EPHB6: variants seen among roughly 807,000 people sequenced by gnomAD.
The protein encoded by EPHB6 is EPH receptor B6, also known as ephrin type-B receptor 6.
A neutral mutation model predicts 107.0 loss-of-function variants in EPHB6; 51 were observed. The ratio of observed to expected loss-of-function variants is 0.48; its 90% CI spans 0.38 to 0.60. The LOEUF is 0.60. Among genes scored for constraint, EPHB6 ranks in the 20% least tolerant of loss-of-function variants. The pLI is 0.00. For synonymous variants in EPHB6, 553 were observed against 549.0 expected (o/e 1.01, Z -0.10); for missense variants, 1,141 against 1,355.5 (o/e 0.84, Z 2.48).
At position 142,861,454 on chromosome 7, in the gene EPHB6, A is replaced by C. The variant is rs893817933; in HGVS notation, c.-297+268A>C. Among the ~76,000 whole-genome samples the C allele has an allele frequency of 2.6e-5, 4 of 152,364 alleles. No individual in the cohort carries two copies. In the South Asian group the frequency reaches 8.3e-4, roughly 32 times the overall value. ...ATACAATTAATGAGAATACAATGAA[A>C]GTTAAGTCTCCCTTGCACTGGGTCT... On this transcript the variant is annotated intron_variant, in intron 2 of 19. Coordinates refer to ENST00000652003, the MANE Select transcript of EPHB6 (RefSeq NM_004445.6).
At chr7:142,861,427 G>T (rs1802835689) in intron 2 of EPHB6, among the ~76,000 whole-genome samples, 1 of 152,156 alleles carries the variant, frequency 6.6e-6, no homozygotes, top group Admixed American at 6.5e-5. Context: ...AAATTTAAAT[G>T]GATACAATTA....
At position 142,864,031 on chromosome 7, in the gene EPHB6, G is replaced by C. The variant is rs1586157865; in HGVS notation, c.231G>C (p.Val77=). 1 of 1,614,172 alleles carries C rather than the reference G, an allele frequency of 6.2e-7. No homozygotes were observed. The change falls in exon 7 of 20, where the codon GTG becomes GTC. Residue 77 remains valine, a synonymous_variant. Coordinates refer to ENST00000652003, the MANE Select transcript of EPHB6 (RefSeq NM_004445.6). The part of the protein sequence containing the change: ...RLTRTFEACH[V]AGAPPGTGQD... ...CTCGGACCTTTGAGGCATGTCATGTGGCAGGGGCCCCTCCAGGCACCGGGC... is the reference window on the plus strand; with the variant it reads ...CTCGGACCTTTGAGGCATGTCATGTCGCAGGGGCCCCTCCAGGCACCGGGC...
intron 6 of EPHB6, 50 bp downstream of exon 6, chr7:142,863,745 C>A (rs1802968551): frequency 6.3e-7 from 1 of 1,590,688 alleles, no homozygotes; most frequent in Non-Finnish European, 8.6e-7. Context: ...CTGCCCCTCC[C>A]TGTTCCCTGG....
intron 6 of EPHB6, 48 bp downstream of exon 6, chr7:142,863,743 C>T: frequency 1.3e-6 from 2 of 1,593,280 alleles, no homozygotes; most frequent in Non-Finnish European, 1.7e-6. Context: ...CCCTGCCCCT[C>T]CCTGTTCCCT....
chr7:142,866,891 G>A lies in EPHB6; in HGVS notation c.1588-15G>A, dbSNP rs770590585. ...AGAGGGGGCCAGGCAGGGAGTGAGT[G>A]GCTGTTACCCCCAGGCAGAAGACGA... is the stretch of plus-strand genomic sequence containing the variant. On this transcript the variant is annotated splice_polypyrimidine_tract_variant and intron_variant, in intron 10 of 19. Coordinates refer to ENST00000652003, the MANE Select transcript of EPHB6 (RefSeq NM_004445.6). The surrounding 1 kb of genome is among the most constrained non-coding windows in gnomAD (Gnocchi z 5.2). 1.6e-5 allele frequency: 26 copies of A among 1,613,848 alleles called. No individual in the cohort carries two copies. The highest frequency in any genetic ancestry group is 2.0e-5 in the Non-Finnish European group (24 of 1,179,956).
At chr7:142,861,496 C>T (rs1488109452) in intron 2 of EPHB6, among the ~76,000 whole-genome samples, 3 of 152,200 alleles carry the variant, frequency 2.0e-5, no homozygotes, top group African/African-American at 7.2e-5. Context: ...ACTTCCTTTG[C>T]CTTTTTCACA....
intron 8 of EPHB6, 31 bp from the exon 9 acceptor site, chr7:142,865,929 C>G: frequency 6.2e-7 from 1 of 1,608,674 alleles, no homozygotes; most frequent in South Asian, 1.1e-5. Flanking sequence ...CCCTCTTGGC[C>G]CTTGGACTGC....
Position 142,864,723 on chromosome 7 carries a change from C to A in EPHB6, c.923C>A (p.Pro308Gln). The change falls in exon 7 of 20, where the codon CCA becomes CAA. Residue 308 changes from proline (P) to glutamine (Q), a missense_variant. Physicochemically the swap from Pro to Gln is moderately conservative, Grantham distance 76 (BLOSUM62 -1). This residue lies in a region of EPHB6 where 304 missense variants were observed against 295.7 expected (regional missense o/e 1.03). Coordinates refer to ENST00000652003, the MANE Select transcript of EPHB6 (RefSeq NM_004445.6). ...GGCRCQPGYQ[P>Q]ARGDKACQAC... ...TGCCGCTGCCAGCCTGGATACCAAC[C>A]AGCACGAGGAGACAAGGCCTGCCAA... 6.2e-7 allele frequency: 1 copy of A among 1,612,924 alleles called. No individual in the cohort carries two copies. The highest frequency in any genetic ancestry group is 8.5e-7 in the Non-Finnish European group (1 of 1,180,024).
chr7:142,869,782 GATT>G lies in EPHB6; in HGVS notation c.2461-30_2461-28del. 2 of 1,613,214 alleles carry G rather than the reference GATT, an allele frequency of 1.2e-6. No homozygotes were observed. The highest frequency in any genetic ancestry group is 1.1e-5 in the South Asian group (1 of 90,850). Reference sequence around the variant, plus strand: ...GCTCAATAAACGTGACTATTACTATGATTATTACTATTTGCTTTTGACTTTACC... The same window carrying G: ...GCTCAATAAACGTGACTATTACTATGATTACTATTTGCTTTTGACTTTACC... On this transcript the variant is annotated intron_variant, in intron 16 of 19. Coordinates refer to ENST00000652003, the MANE Select transcript of EPHB6 (RefSeq NM_004445.6). The surrounding 1 kb of genome is among the most constrained non-coding windows in gnomAD (Gnocchi z 4.5).
intron 1 of EPHB6, among the ~76,000 whole-genome samples, chr7:142,859,027 T>A (rs1371162266): frequency 2.6e-5 from 4 of 152,290 alleles, no homozygotes; most frequent in Non-Finnish European, 5.9e-5. Context: ...TTCACATTTC[T>A]GCTGCTTCTG....
At position 142,868,501 on chromosome 7, in the gene EPHB6, G is replaced by C; in HGVS notation, c.2048G>C (p.Gly683Ala). ...ACACCTATTTTCCCAGGCTCTTTTG[G>C]AGAAGTGCGCCAGGGCCGCCTGCAG... The part of the protein sequence containing the change: ...IEEVIGTGSF[G>A]EVRQGRLQPR... Residue 683 changes from glycine (G) to alanine (A), a missense_variant, in exon 15 of 20, where the codon GGA (glycine) becomes GCA (alanine). This residue lies in a region of EPHB6 where 616 missense variants were observed against 759.3 expected (regional missense o/e 0.81). Transcript: ENST00000652003. This position sits in a 1 kb window ranked among gnomAD's most constrained non-coding sequence, Gnocchi z 4.2. 2 of 1,613,964 alleles carry C rather than the reference G, an allele frequency of 1.2e-6. No individual in the cohort carries two copies. Among genetic ancestry groups the C allele is most frequent in the Non-Finnish European group, 1.7e-6 (2 of 1,180,034 alleles).
At chr7:142,865,442 G>C (rs770756238) in intron 7 of EPHB6, 33 bp from the exon 8 acceptor site, 1 of 1,611,898 alleles carries the variant, frequency 6.2e-7, no homozygotes, top group Non-Finnish European at 8.5e-7. Flanking sequence ...GACAGAGCGA[G>C]TGTGACGCCC....
At position 142,866,902 on chromosome 7, in the gene EPHB6, C is replaced by G; in HGVS notation, c.1588-4C>G. The G allele has an allele frequency of 6.2e-7, 1 of 1,613,984 alleles. No homozygotes were observed. The highest frequency in any genetic ancestry group is 8.5e-7 in the Non-Finnish European group (1 of 1,179,942). ...GGCAGGGAGTGAGTGGCTGTTACCC[C>G]CAGGCAGAAGACGAATCCCACTCCT... On this transcript the variant is annotated splice_polypyrimidine_tract_variant and splice_region_variant and intron_variant, in intron 10 of 19. Coordinates refer to ENST00000652003, the MANE Select transcript of EPHB6 (RefSeq NM_004445.6). The surrounding 1 kb of genome is among the most constrained non-coding windows in gnomAD (Gnocchi z 5.2).
In EPHB6 at chr7:142,870,415, G is replaced by T; in HGVS notation, c.2804+8G>T. On this transcript the variant is annotated splice_region_variant and intron_variant, in intron 18 of 19. Coordinates refer to ENST00000652003, the MANE Select transcript of EPHB6 (RefSeq NM_004445.6). ...CGGGGACCCAGGGGAAAGGTCTGGA[G>T]CTTGGGGCTAGAGCCTGGGAAAGCC... The T allele has an allele frequency of 1.2e-6, 2 of 1,614,040 alleles. No individual in the cohort carries two copies. The highest frequency in any genetic ancestry group is 8.5e-7 in the Non-Finnish European group (1 of 1,179,994).
chr7:142,870,125 AC>A (rs2116487677), intron 17 of EPHB6, 88 bp from the exon 18 acceptor site: 1 of 1,591,158 alleles, frequency 6.3e-7, no homozygotes. Flanking sequence ...CTCATGCTCC[AC>A]CAGATTCCAG....
rs1045138349 is a variant in EPHB6, at chr7:142,869,463, C to G, written c.2460+316C>G. Among the ~76,000 whole-genome samples the G allele has an allele frequency of 3.3e-5, 5 of 152,204 alleles. No homozygotes were observed. The highest frequency in any genetic ancestry group is 9.7e-5 in the African/African-American group (4 of 41,436). On this transcript the variant is annotated intron_variant, in intron 16 of 19. Coordinates refer to ENST00000652003, the MANE Select transcript of EPHB6 (RefSeq NM_004445.6). The surrounding 1 kb of genome is among the most constrained non-coding windows in gnomAD (Gnocchi z 4.5). ...CACAGCTGGGTACAAATTCTTAACA[C>G]TCTGCTCTCCAGCTCTGTGACCTTG...
In EPHB6 at chr7:142,864,163, C is replaced by G. The variant is rs775320635; in HGVS notation, c.363C>G (p.Gly121=). The change falls in exon 7 of 20, where the codon GGC becomes GGG. Residue 121 remains glycine, a synonymous_variant. Coordinates refer to ENST00000652003, the MANE Select transcript of EPHB6 (RefSeq NM_004445.6). ...VRACSSLGVS[G]GTCRETFTLY... ...CATGCTCCAGCCTGGGTGTGAGCGG[C>G]GGCACCTGCCGGGAGACCTTCACCC... 6.2e-7 allele frequency: 1 copy of G among 1,613,862 alleles called. No homozygotes were observed. The highest frequency in any genetic ancestry group is 8.5e-7 in the Non-Finnish European group (1 of 1,180,032).
rs1343834121 is a variant in EPHB6 at position 142,869,172 on chromosome 7, A to C, written c.2460+25A>C. On this transcript the variant is annotated intron_variant, in intron 16 of 19. Coordinates refer to ENST00000652003, the MANE Select transcript of EPHB6 (RefSeq NM_004445.6). The surrounding 1 kb of genome is among the most constrained non-coding windows in gnomAD (Gnocchi z 4.5). ...GGTGAGAGCACAGCCTTGGGGACAC[A>C]GCCTGGGGCCTTGTGGCATGCCCCA... 6.8e-6 allele frequency: 11 copies of C among 1,606,538 alleles called. No individual in the cohort carries two copies. Among genetic ancestry groups the C allele is most frequent in the South Asian group, 1.1e-5 (1 of 90,996 alleles).
In EPHB6 at chr7:142,867,472, T is replaced by A. The variant is rs1794664037; in HGVS notation, c.1751-136T>A. The A allele has an allele frequency of 4.7e-5, 35 of 739,660 alleles. No homozygotes were observed. The South Asian group carries it at 5.2e-4, about 11-fold the overall frequency. The allele number at this position is 739,660 out of a possible 1,614,324, so 45.8% of individuals were successfully genotyped here. A position where few individuals can be genotyped will look rare whatever the true frequency, so the allele number is the denominator to read the frequency against. On this transcript the variant is annotated intron_variant, in intron 11 of 19. Coordinates refer to ENST00000652003, the MANE Select transcript of EPHB6 (RefSeq NM_004445.6). This position sits in a 1 kb window ranked among gnomAD's most constrained non-coding sequence, Gnocchi z 5.3. ...GGCGTGTGTGTGTGTTGTGTGTCCC[T>A]GTGCATGGATGTGGGAGGTTTGGGG...
Sources: allele counts gnomAD v4.1 joint callset (sites outside exome capture counted in the v4.1 genomes callset), GRCh38; gene constraint gnomAD v4.1.1; regional missense constraint gnomAD v4.1.1; non-coding constraint Gnocchi (gnomAD v3.1); transcripts MANE v1.5; gene names NCBI Gene and HGNC (gene_info 2026-07-23, HGNC 2026-07-21).